RHCE: variants seen among roughly 807,000 people sequenced by gnomAD.
The protein encoded by RHCE is Rh blood group CcEe antigens, also known as blood group Rh(CE) polypeptide.
In RHCE, 22 loss-of-function variants were observed where a neutral mutation model predicts 43.8. That is an observed-to-expected ratio of 0.50 (90% CI 0.36 to 0.72). The LOEUF (loss-of-function observed/expected upper bound fraction) is 0.72, where lower values mean the gene tolerates loss of function less well. RHCE is among the 30% of genes least tolerant of loss of function. The pLI is 0.00. For synonymous variants in RHCE, 156 were observed against 210.7 expected (o/e 0.74, Z 2.25); for missense variants, 385 against 525.4 (o/e 0.73, Z 2.61).
At chr1:25,380,760 C>A (rs1174622028) in intron 7 of RHCE, among the ~76,000 whole-genome samples, 1 of 152,060 alleles carries the variant, frequency 6.6e-6, no homozygotes, top group Non-Finnish European at 1.5e-5. Flanking sequence ...TCATTCCAAA[C>A]CATTCTGCCC....
chr1:25,416,885 C>T (rs1257685714), intron 1 of RHCE, among the ~76,000 whole-genome samples: 1 of 148,880 alleles, frequency 6.7e-6, no homozygotes, highest in African/African-American at 2.5e-5. Context: ...ATCCTCCCCA[C>T]TTGGCCTCCC....
At position 25,372,090 on chromosome 1, in the gene RHCE, A is replaced by T. The variant is rs557200279; in HGVS notation, c.1154-1550T>A. On this transcript the variant is annotated intron_variant, in intron 8 of 9. Transcript: ENST00000294413. ...AACATTAAACATATTTAGACTTTTT[A>T]AAAAAAAAATCAGAACCATCACTAG... Among the ~76,000 whole-genome samples, 159 of 150,098 alleles carry T rather than the reference A, an allele frequency of 1.1e-3. 6 individuals carry two copies. The highest frequency in any genetic ancestry group is 2.7e-3 in the East Asian group (14 of 5,114).
chr1:25,398,163 CTGAGA>C (rs1415137580), intron 3 of RHCE, among the ~76,000 whole-genome samples: 1 of 101,968 alleles, frequency 9.8e-6, no homozygotes, highest in Non-Finnish European at 2.2e-5. Context: ...GTGGGTTGAG[CTGAGA>C]TGTGTACCCA....
chr1:25,377,886 CAGA>C (rs930899198), intron 7 of RHCE, among the ~76,000 whole-genome samples: 5 of 152,108 alleles, frequency 3.3e-5, no homozygotes, highest in African/African-American at 1.2e-4. Flanking sequence ...GCCTGGGTGA[CAGA>C]AGGAGACTCT....
Position 25,362,292 on chromosome 1 carries a change from A to C in RHCE, c.*235T>G, listed in dbSNP as rs904446984. The C allele has an allele frequency of 4.3e-6, 4 of 919,864 alleles. No individual in the cohort carries two copies. The African/African-American group carries it at 6.7e-5, about 16-fold the overall frequency. The allele number at this position is 919,864 out of a possible 1,614,324, so 57.0% of individuals were successfully genotyped here. A position where few individuals can be genotyped will look rare whatever the true frequency, so the allele number is the denominator to read the frequency against. On this transcript the variant is annotated 3_prime_UTR_variant, in exon 10 of 10. Transcript: ENST00000294413. ...TTAATAATGTGTCTGTAACCAAGAA[A>C]ATATTGATAGCATCATCCTAATGAA...
At chr1:25,383,021 T>C (rs1467382417) in intron 7 of RHCE, among the ~76,000 whole-genome samples, 2 of 152,210 alleles carry the variant, frequency 1.3e-5, no homozygotes, top group Admixed American at 6.5e-5. Context: ...CTCCCAGATA[T>C]GGCAGTCTGA....
intron 1 of RHCE, among the ~76,000 whole-genome samples, chr1:25,412,140 C>T (rs1431587990): frequency 6.6e-6 from 1 of 152,214 alleles, no homozygotes; most frequent in East Asian, 1.9e-4. Context: ...AACTAACTAC[C>T]AGGCCCCAAA....
chr1:25,428,889 G>C (rs927755153), intron 2 of RHCE: 1 of 152,348 alleles, frequency 6.6e-6, no homozygotes, highest in Admixed American at 6.5e-5. Flanking sequence ...TTGGGGCAGA[G>C]GCAGGAAGGG....
chr1:25,393,950 A>T (rs1646460750), intron 3 of RHCE, among the ~76,000 whole-genome samples: 2 of 152,108 alleles, frequency 1.3e-5, no homozygotes, highest in African/African-American at 4.8e-5. Flanking sequence ...TAACAATTCT[A>T]AAGCCAACTA....
rs1199727571 is a variant in RHCE, at chr1:25,362,255, T to G, written c.*272A>C. 3 of 672,616 alleles carry G rather than the reference T, an allele frequency of 4.5e-6. No individual in the cohort carries two copies. Among genetic ancestry groups the G allele is most frequent in the Non-Finnish European group, 7.3e-6 (3 of 409,458 alleles). 41.7% of individuals were successfully genotyped at this position (672,616 alleles called of 1,614,324 possible). A position where few individuals can be genotyped will look rare whatever the true frequency, so the allele number is the denominator to read the frequency against. ...GAATCTTAAGAATTGTCAATAAAAT[T>G]AACCCAAAACTTTAATAATGTGTCT... is the stretch of plus-strand genomic sequence containing the variant. On this transcript the variant is annotated 3_prime_UTR_variant, in exon 10 of 10. Coordinates refer to ENST00000294413, the MANE Select transcript of RHCE (RefSeq NM_020485.8).
intron 3 of RHCE, among the ~76,000 whole-genome samples, chr1:25,392,754 A>G (rs1213817040): frequency 3.3e-5 from 5 of 151,600 alleles, no homozygotes; most frequent in Non-Finnish European, 1.5e-5. Context: ...AATTTTGTGT[A>G]AAGATGGAAT....
chr1:25,393,811 G>A (rs374126887), intron 3 of RHCE, among the ~76,000 whole-genome samples: 4 of 151,682 alleles, frequency 2.6e-5, no homozygotes, highest in Middle Eastern at 3.4e-3. Context: ...ACCCACTAGC[G>A]TGTTCCCACT....
intron 1 of RHCE, among the ~76,000 whole-genome samples, chr1:25,416,819 C>T (rs111768756): frequency 1.7e-5 from 2 of 116,784 alleles, no homozygotes; most frequent in East Asian, 4.8e-4. Flanking sequence ...TTAGAGATGG[C>T]GGGGGGGGGT....
chr1:25,400,435 C>T (rs1166846554), intron 3 of RHCE, among the ~76,000 whole-genome samples: 2 of 151,412 alleles, frequency 1.3e-5, no homozygotes, highest in African/African-American at 2.4e-5. Flanking sequence ...GGGCTTCCTC[C>T]TGCCTCTCCA....
chr1:25,413,616 A>G (rs995348412), intron 1 of RHCE, among the ~76,000 whole-genome samples: 2 of 151,924 alleles, frequency 1.3e-5, no homozygotes, highest in Non-Finnish European at 2.9e-5. Context: ...GTAGTTCAGC[A>G]GCGAGAGATA....
At chr1:25,415,080 C>G (rs1036069932) in intron 1 of RHCE, among the ~76,000 whole-genome samples, 2 of 152,138 alleles carry the variant, frequency 1.3e-5, no homozygotes, top group African/African-American at 4.8e-5. Flanking sequence ...CCTTCTGTCT[C>G]TCACCTCAGG....
chr1:25,368,885 C>T (rs912352831), intron 9 of RHCE, among the ~76,000 whole-genome samples: 1 of 151,840 alleles, frequency 6.6e-6, no homozygotes, highest in South Asian at 2.1e-4. Flanking sequence ...CTCAGCCTCC[C>T]GAGTAGCCGG....
At chr1:25,393,481 C>T (rs1380705602) in intron 3 of RHCE, among the ~76,000 whole-genome samples, 6 of 152,124 alleles carry the variant, frequency 3.9e-5, no homozygotes, top group African/African-American at 1.4e-4. Context: ...ATTAGCCAGG[C>T]GTGGTGATGC....
intron 6 of RHCE, among the ~76,000 whole-genome samples, chr1:25,386,100 C>T (rs138295468): frequency 1.3e-5 from 2 of 152,160 alleles, no homozygotes; most frequent in African/African-American, 4.8e-5. Context: ...CAATGCTGCT[C>T]ATCTACGGAC....
Sources: allele counts gnomAD v4.1 joint callset (sites outside exome capture counted in the v4.1 genomes callset), GRCh38; gene constraint gnomAD v4.1.1; transcripts MANE v1.5; gene names NCBI Gene and HGNC (gene_info 2026-07-23, HGNC 2026-07-21).